The following TRPC5OS variants were observed in gnomAD, a reference collection of about 807,000 sequenced individuals.
The protein encoded by TRPC5OS is TRPC5 opposite strand.
For synonymous variants in TRPC5OS, 30 were observed against 29.3 expected, an observed-to-expected ratio of 1.02 and a Z score of -0.08; for missense variants, 64 against 79.3, an observed-to-expected ratio of 0.81 and a Z score of 0.73.
Position 111,889,014 on chromosome X carries a change from G to C in TRPC5OS, c.-545-6937G>C, listed in dbSNP as rs1924675291. Among the ~76,000 whole-genome samples, 6 of 112,158 alleles carry C rather than the reference G, an allele frequency of 5.3e-5. No individual in the cohort carries two copies. In the Admixed American group the frequency reaches 5.7e-4, roughly 11 times the overall value. On this transcript the variant is annotated intron_variant, in intron 1 of 3. Coordinates refer to ENST00000635763, the MANE Select transcript of TRPC5OS (RefSeq NM_001195578.2). ...CCAAGGATTTAGTTTTGAATGTACT[G>C]TGTTGAATTTTACAGGAATCAATGT...
intron 1 of TRPC5OS, among the ~76,000 whole-genome samples, chrX:111,883,115 C>T (rs1924309934): frequency 9.1e-6 from 1 of 109,422 alleles, no homozygotes; most frequent in East Asian, 2.9e-4. Flanking sequence ...GACCTAGTCA[C>T]AGCCTAAGCC....
chrX:111,894,036 C>T (rs1375473579), intron 1 of TRPC5OS, among the ~76,000 whole-genome samples: 1 of 111,201 alleles, frequency 9.0e-6, no homozygotes. Context: ...ATATTGAATG[C>T]ATGTATCCAA....
intron 1 of TRPC5OS, among the ~76,000 whole-genome samples, chrX:111,880,087 C>CA (rs1924138970): frequency 9.7e-6 from 1 of 103,300 alleles, no homozygotes; most frequent in Admixed American, 1.0e-4. Context: ...TTTGTTGCTG[C>CA]TTTTTTTTTT....
chrX:111,902,823 G>A lies in TRPC5OS; in HGVS notation c.*638G>A, dbSNP rs1925418501. 1 of 112,083 alleles carries A rather than the reference G, an allele frequency of 8.9e-6. No individual in the cohort carries two copies. Among genetic ancestry groups the A allele is most frequent in the Admixed American group, 9.5e-5 (1 of 10,513 alleles). The allele number at this position is 112,083 out of a possible 1,213,427, so 9.2% of individuals were successfully genotyped here. A position where few individuals can be genotyped will look rare whatever the true frequency, so the allele number is the denominator to read the frequency against. On this transcript the variant is annotated 3_prime_UTR_variant, in exon 4 of 4. Transcript: ENST00000635763. ...AAAACTGAAAAAGCTGGGACCAAGA[G>A]TTCCAGTGCAGGACTGTTCTTGCAA...
intron 1 of TRPC5OS, among the ~76,000 whole-genome samples, chrX:111,885,414 G>A (rs188680368): frequency 3.6e-5 from 4 of 111,350 alleles, no homozygotes; most frequent in African/African-American, 1.3e-4. Flanking sequence ...TTAAAGGTTG[G>A]TCAAGACTAG....
intron 1 of TRPC5OS, among the ~76,000 whole-genome samples, chrX:111,893,354 C>G (rs1924903402): frequency 9.0e-6 from 1 of 111,427 alleles, no homozygotes; most frequent in Non-Finnish European, 1.9e-5. Context: ...CTCTAAGGGC[C>G]TGGGAGCCTC....
intron 1 of TRPC5OS, among the ~76,000 whole-genome samples, chrX:111,894,259 C>G (rs892717030): frequency 1.2e-4 from 13 of 111,805 alleles, no homozygotes; most frequent in African/African-American, 3.9e-4. Flanking sequence ...TTTCTTTGCT[C>G]CTTTTCCATC....
At chrX:111,888,329 G>A (rs899062575) in intron 1 of TRPC5OS, among the ~76,000 whole-genome samples, 1 of 110,035 alleles carries the variant, frequency 9.1e-6, no homozygotes, top group African/African-American at 3.3e-5. Context: ...TTAAATGGAG[G>A]AGTGACATGA....
In TRPC5OS at chrX:111,902,157, G is replaced by T. The variant is rs977408383; in HGVS notation, c.308G>T (p.Gly103Val). ...AACTTATATGAAGATACAGTCTCTG[G>T]TATAAATGATGACTTAACAGGTGAC... ...MDNLYEDTVS[G>V]INDDLTGD Residue 103 changes from glycine (G) to valine (V), a missense_variant, in exon 4 of 4, where the codon GGT (glycine) becomes GTT (valine). Gly to Val is a moderately radical substitution (Grantham distance 109). Coordinates refer to ENST00000635763, the MANE Select transcript of TRPC5OS (RefSeq NM_001195578.2). 1.8e-6 allele frequency: 2 copies of T among 1,138,671 alleles called. No individual in the cohort carries two copies. The highest frequency in any genetic ancestry group is 1.8e-5 in the African/African-American group (1 of 55,264). 93.8% of individuals were successfully genotyped at this position (1,138,671 alleles called of 1,213,427 possible). A position where few individuals can be genotyped will look rare whatever the true frequency, so the allele number is the denominator to read the frequency against.
intron 3 of TRPC5OS, among the ~76,000 whole-genome samples, chrX:111,900,495 A>T (rs1023389516): frequency 8.9e-6 from 1 of 112,140 alleles, no homozygotes; most frequent in Non-Finnish European, 1.9e-5. Context: ...TGGTGAAAGA[A>T]TTTAGAAATT....
chrX:111,898,116 C>T (rs1055041606), intron 3 of TRPC5OS, among the ~76,000 whole-genome samples: 2 of 108,838 alleles, frequency 1.8e-5, no homozygotes, highest in African/African-American at 3.3e-5. Context: ...TGTCAATTTG[C>T]ATTTCTTTGA....
intron 3 of TRPC5OS, among the ~76,000 whole-genome samples, chrX:111,899,069 C>T (rs1235388820): frequency 9.0e-6 from 1 of 110,515 alleles, no homozygotes; most frequent in African/African-American, 3.3e-5. Flanking sequence ...TATTGGAATA[C>T]TTAGCAGTTT....
At position 111,902,960 on chromosome X, in the gene TRPC5OS, G is replaced by A. The variant is rs1413545280; in HGVS notation, c.*775G>A. The A allele has an allele frequency of 2.7e-5, 3 of 111,740 alleles. No individual in the cohort carries two copies. The highest frequency in any genetic ancestry group is 9.5e-5 in the Admixed American group (1 of 10,491). 9.2% of individuals were successfully genotyped at this position (111,740 alleles called of 1,213,427 possible). A position where few individuals can be genotyped will look rare whatever the true frequency, so the allele number is the denominator to read the frequency against. Reference sequence around the variant, plus strand: ...AGAAGGGCTAAGCAAAGCCCTACAAGGACTATTCACCAATGGAAAGACAAA... The same window carrying A: ...AGAAGGGCTAAGCAAAGCCCTACAAAGACTATTCACCAATGGAAAGACAAA... On this transcript the variant is annotated 3_prime_UTR_variant, in exon 4 of 4. Coordinates refer to ENST00000635763, the MANE Select transcript of TRPC5OS (RefSeq NM_001195578.2).
intron 1 of TRPC5OS, among the ~76,000 whole-genome samples, chrX:111,889,367 A>G (rs891930427): frequency 8.9e-6 from 1 of 112,406 alleles, no homozygotes; most frequent in Non-Finnish European, 1.9e-5. Context: ...ATCAGTCATA[A>G]GAGATGAGAG....
intron 1 of TRPC5OS, among the ~76,000 whole-genome samples, chrX:111,885,094 G>A (rs1423476661): frequency 8.9e-6 from 1 of 112,967 alleles, no homozygotes; most frequent in African/African-American, 3.2e-5. Flanking sequence ...CAGTGAAGGT[G>A]GAGCCAGGCT....
In TRPC5OS at chrX:111,881,714, G is replaced by T. The variant is rs1036028239; in HGVS notation, c.-546+5441G>T. The stretch of plus-strand genomic sequence containing the variant: ...CTGTTTCCTGTCGCAGTGTGGTTAA[G>T]GTAAGTAAACTGCCAATTGCTCATT... On this transcript the variant is annotated intron_variant, in intron 1 of 3. Coordinates refer to ENST00000635763, the MANE Select transcript of TRPC5OS (RefSeq NM_001195578.2). Among the ~76,000 whole-genome samples the T allele has an allele frequency of 1.2e-4, 13 of 110,486 alleles. 1 individual carries two copies. Among genetic ancestry groups the T allele is most frequent in the Admixed American group, 1.1e-3 (11 of 10,298 alleles).
intron 1 of TRPC5OS, among the ~76,000 whole-genome samples, chrX:111,882,502 C>T (rs1274093987): frequency 8.9e-6 from 1 of 112,696 alleles, no homozygotes; most frequent in Non-Finnish European, 1.9e-5. Context: ...TGCAATTTAG[C>T]CAAGGTCTGA....
At chrX:111,878,359 A>G (rs1156555358) in intron 1 of TRPC5OS, among the ~76,000 whole-genome samples, 1 of 111,392 alleles carries the variant, frequency 9.0e-6, no homozygotes, top group Non-Finnish European at 1.9e-5. Context: ...TTATTTCCTG[A>G]TTGCTTCAGT....
chrX:111,895,101 AT>A (rs1170424433), intron 1 of TRPC5OS, among the ~76,000 whole-genome samples: 1 of 112,158 alleles, frequency 8.9e-6, no homozygotes, highest in Non-Finnish European at 1.9e-5. Context: ...GTTTTAGTAG[AT>A]ACTGCCAAAT....
Sources: allele counts gnomAD v4.1 joint callset (sites outside exome capture counted in the v4.1 genomes callset), GRCh38; gene constraint gnomAD v4.1.1; transcripts MANE v1.5; gene names NCBI Gene and HGNC (gene_info 2026-07-23, HGNC 2026-07-21).